The following EBF1 variants were observed in gnomAD, a reference collection of about 807,000 sequenced individuals.
EBF1 encodes the protein transcription factor COE1.
A neutral mutation model predicts 68.4 loss-of-function variants in EBF1; 10 were observed. The ratio of observed to expected loss-of-function variants is 0.15; its 90% CI spans 0.09 to 0.25. The LOEUF (loss-of-function observed/expected upper bound fraction) is 0.25, where lower values mean the gene tolerates loss of function less well. EBF1 is among the 10% of genes least tolerant of loss of function. The pLI, the probability that EBF1 is intolerant of heterozygous loss-of-function variation, is 1.00. For synonymous variants in EBF1, 298 were observed against 299.8 expected, an observed-to-expected ratio of 0.99 and a Z score of 0.06; for missense variants, 509 against 794.4, an observed-to-expected ratio of 0.64 and a Z score of 4.32.
At chr5:159,075,609 T>A (rs1334491613) in intron 5 of EBF1, among the ~76,000 whole-genome samples, 1 of 152,142 alleles carries the variant, frequency 6.6e-6, no homozygotes, top group African/African-American at 2.4e-5. Flanking sequence ...ATCCAAGTCC[T>A]TGGACTCTGC....
At chr5:158,922,483 G>C (rs1044354773) in intron 6 of EBF1, among the ~76,000 whole-genome samples, 1 of 152,182 alleles carries the variant, frequency 6.6e-6, no homozygotes, top group African/African-American at 2.4e-5. Context: ...ATTTAAAATA[G>C]ATCTTCCATT....
intron 6 of EBF1, among the ~76,000 whole-genome samples, chr5:158,959,120 C>T (rs1205992409): frequency 6.6e-6 from 1 of 152,040 alleles, no homozygotes; most frequent in Admixed American, 6.6e-5. Context: ...AAATAACTTT[C>T]TTAAAGAACC....
intron 6 of EBF1, among the ~76,000 whole-genome samples, chr5:158,889,710 T>C (rs1262174169): frequency 6.6e-6 from 1 of 152,156 alleles, no homozygotes; most frequent in African/African-American, 2.4e-5. Flanking sequence ...TAAGGGAATA[T>C]GTGTGAAGTC....
intron 7 of EBF1, among the ~76,000 whole-genome samples, chr5:158,829,508 C>T (rs1409237662): frequency 2.7e-5 from 4 of 150,308 alleles, no homozygotes; most frequent in Non-Finnish European, 5.9e-5. Flanking sequence ...ATTTTAATAA[C>T]ATATTAATAT....
intron 4 of EBF1, among the ~76,000 whole-genome samples, chr5:159,092,839 C>A (rs1444128980): frequency 6.6e-6 from 1 of 152,190 alleles, no homozygotes; most frequent in South Asian, 2.1e-4. Context: ...AGAAGTGTTT[C>A]ATTCTGTACT....
intron 10 of EBF1, 94 bp downstream of exon 10, chr5:158,777,318 TA>T: frequency 7.6e-7 from 1 of 1,309,240 alleles, no homozygotes; most frequent in Non-Finnish European, 1.0e-6. Context: ...AACTAGATTT[TA>T]AAATAAAATA....
At chr5:159,042,090 AC>A (rs750961917) in intron 6 of EBF1, among the ~76,000 whole-genome samples, 3 of 152,154 alleles carry the variant, frequency 2.0e-5, no homozygotes, top group Non-Finnish European at 4.4e-5. Flanking sequence ...TTGGAAGGGA[AC>A]TTTTTCCCAT....
intron 14 of EBF1, among the ~76,000 whole-genome samples, chr5:158,711,762 C>G (rs774558506): frequency 5.3e-5 from 8 of 151,990 alleles, no homozygotes; most frequent in Non-Finnish European, 8.8e-5. Flanking sequence ...TAACCTTGAA[C>G]TCCTGGGCTC....
chr5:159,071,308 C>G (rs781307797), intron 6 of EBF1, among the ~76,000 whole-genome samples: 1 of 152,102 alleles, frequency 6.6e-6, no homozygotes, highest in Admixed American at 6.6e-5. Flanking sequence ...TAAAGTACTC[C>G]TATCTGAAGA....
At chr5:158,892,894 C>A (rs1582947242) in intron 6 of EBF1, among the ~76,000 whole-genome samples, 1 of 138,120 alleles carries the variant, frequency 7.2e-6, no homozygotes, top group African/African-American at 2.5e-5. Context: ...CTCGAAGCGC[C>A]CCTTTTACTT....
At chr5:159,047,240 G>A (rs533905663) in intron 6 of EBF1, among the ~76,000 whole-genome samples, 5 of 152,320 alleles carry the variant, frequency 3.3e-5, no homozygotes, top group African/African-American at 1.2e-4. Flanking sequence ...CAGAGAGGAA[G>A]GAATGTCCGT....
At chr5:158,897,550 CT>C (rs933986495) in intron 6 of EBF1, among the ~76,000 whole-genome samples, 1 of 152,084 alleles carries the variant, frequency 6.6e-6, no homozygotes, top group Non-Finnish European at 1.5e-5. Context: ...CCTGCACATC[CT>C]GCACATGTGG....
chr5:158,922,389 A>G (rs1583191031), intron 6 of EBF1, among the ~76,000 whole-genome samples: 1 of 152,238 alleles, frequency 6.6e-6, no homozygotes, highest in Non-Finnish European at 1.5e-5. Flanking sequence ...GACCCAACAT[A>G]ACAATAACCG....
intron 14 of EBF1, among the ~76,000 whole-genome samples, chr5:158,709,798 C>G (rs1758762627): frequency 1.3e-5 from 2 of 152,304 alleles, no homozygotes; most frequent in South Asian, 2.1e-4. Flanking sequence ...AATAATAACA[C>G]CCATTTAAAT....
rs1229418927 is a variant in EBF1, at chr5:158,822,259, CGGATGGACGGATGGAT to C, written c.778+901_778+916del. The stretch of plus-strand genomic sequence containing the variant: ...CCTCAGTCACTCATTCTTGGATGGA[CGGATGGACGGATGGAT>C]GGATGGATGGATGGATGGATGGATG... On this transcript the variant is annotated intron_variant, in intron 8 of 15. Transcript: ENST00000313708. Among the ~76,000 whole-genome samples the C allele has an allele frequency of 5.7e-3, 736 of 129,718 alleles. 4 individuals carry two copies. The highest frequency in any genetic ancestry group is 0.012 in the African/African-American group (390 of 32,384). 85.1% of individuals were successfully genotyped at this position (129,718 alleles called of 152,430 possible). A position where few individuals can be genotyped will look rare whatever the true frequency, so the allele number is the denominator to read the frequency against.
chr5:158,963,248 T>C (rs576273878), intron 6 of EBF1, among the ~76,000 whole-genome samples: 2 of 152,342 alleles, frequency 1.3e-5, no homozygotes, highest in African/African-American at 4.8e-5. Context: ...AAAGGTTCTC[T>C]ACACACTAGA....
At chr5:159,028,476 A>G (rs962009199) in intron 6 of EBF1, among the ~76,000 whole-genome samples, 2 of 152,210 alleles carry the variant, frequency 1.3e-5, no homozygotes, top group Non-Finnish European at 2.9e-5. Context: ...TTTAGAAAGT[A>G]TTGGGCTGGA....
chr5:159,087,313 C>CATAT (rs936165673), intron 4 of EBF1, among the ~76,000 whole-genome samples: 1 of 143,606 alleles, frequency 7.0e-6, no homozygotes, highest in Non-Finnish European at 1.5e-5. Context: ...TACACACACA[C>CATAT]ATATATATAC....
chr5:158,785,905 A>G lies in EBF1; in HGVS notation c.910-8366T>C, dbSNP rs1264813758. On this transcript the variant is annotated intron_variant, in intron 9 of 15. Coordinates refer to ENST00000313708, the MANE Select transcript of EBF1 (RefSeq NM_024007.5). ...CCTATTCATTGTCCGTGTCCCCCTA[A>G]GTAGAATATCAGCCCCATAAGGATA... Among the ~76,000 whole-genome samples, 2 of 152,168 alleles carry G rather than the reference A, an allele frequency of 1.3e-5. 1 individual carries two copies. Among genetic ancestry groups the G allele is most frequent in the African/African-American group, 4.8e-5 (2 of 41,450 alleles).
Sources: allele counts gnomAD v4.1 joint callset (sites outside exome capture counted in the v4.1 genomes callset), GRCh38; gene constraint gnomAD v4.1.1; transcripts MANE v1.5; gene names NCBI Gene and HGNC (gene_info 2026-07-23, HGNC 2026-07-21).